The following ERBB4 variants were observed in gnomAD, a reference collection of about 807,000 sequenced individuals.
The protein encoded by ERBB4 is erb-b2 receptor tyrosine kinase 4.
In ERBB4, 42 loss-of-function variants were observed where a neutral mutation model predicts 158.0. The ratio of observed to expected loss-of-function variants is 0.27; its 90% CI spans 0.21 to 0.34. The LOEUF (loss-of-function observed/expected upper bound fraction) is 0.34, where lower values mean the gene tolerates loss of function less well. Among genes scored for constraint, ERBB4 ranks in the 10% least tolerant of loss-of-function variants. The pLI is 1.00. For synonymous variants in ERBB4, 583 were observed against 558.7 expected, an observed-to-expected ratio of 1.04 and a Z score of -0.61; for missense variants, 1,333 against 1,624.1, an observed-to-expected ratio of 0.82 and a Z score of 3.08.
intron 1 of ERBB4, among the ~76,000 whole-genome samples, chr2:212,186,327 T>G (rs1459514625): frequency 6.6e-6 from 1 of 152,214 alleles, no homozygotes; most frequent in Admixed American, 6.5e-5. Context: ...CTGGTTTAAG[T>G]GTTCTGTGTG....
At chr2:211,518,667 G>C (rs966241096) in intron 20 of ERBB4, among the ~76,000 whole-genome samples, 3 of 151,866 alleles carry the variant, frequency 2.0e-5, no homozygotes, top group African/African-American at 7.2e-5. Context: ...AAAAAAGTTA[G>C]TGTGATTCTA....
chr2:212,143,622 AGATT>A (rs1307934775), intron 1 of ERBB4, among the ~76,000 whole-genome samples: 1 of 152,182 alleles, frequency 6.6e-6, no homozygotes, highest in Non-Finnish European at 1.5e-5. Context: ...AAATAAAAAC[AGATT>A]GATTAAGTTT....
At chr2:211,991,653 A>G (rs571786259) in intron 2 of ERBB4, among the ~76,000 whole-genome samples, 103 of 152,312 alleles carry the variant, frequency 6.8e-4, no homozygotes, top group African/African-American at 2.5e-3. Flanking sequence ...AAAATGTTTA[A>G]TTACACTTGG....
chr2:212,349,104 T>C (rs774606110), intron 1 of ERBB4, among the ~76,000 whole-genome samples: 10 of 152,138 alleles, frequency 6.6e-5, no homozygotes, highest in Non-Finnish European at 1.3e-4. Context: ...ATAGGTATCA[T>C]GAGGTGATAT....
intron 20 of ERBB4, among the ~76,000 whole-genome samples, chr2:211,492,147 G>A (rs2065359060): frequency 6.6e-6 from 1 of 152,082 alleles, no homozygotes; most frequent in South Asian, 2.1e-4. Flanking sequence ...AGATGTGTCA[G>A]TCAGAAGGCT....
At chr2:212,321,948 G>C (rs1373382602) in intron 1 of ERBB4, among the ~76,000 whole-genome samples, 1 of 149,978 alleles carries the variant, frequency 6.7e-6, no homozygotes, top group Non-Finnish European at 1.5e-5. Flanking sequence ...CCTTCCTGTG[G>C]TTGACAGTTT....
At chr2:211,971,290 C>G (rs947804539) in intron 2 of ERBB4, among the ~76,000 whole-genome samples, 1 of 152,090 alleles carries the variant, frequency 6.6e-6, no homozygotes, top group Non-Finnish European at 1.5e-5. Flanking sequence ...TGGCCTTTCT[C>G]TATGCTCATA....
At chr2:212,329,596 A>T (rs2088032668) in intron 1 of ERBB4, among the ~76,000 whole-genome samples, 1 of 152,030 alleles carries the variant, frequency 6.6e-6, no homozygotes, top group African/African-American at 2.4e-5. Context: ...AAGAAATAGC[A>T]ACGTCAGGCT....
chr2:212,317,833 G>GA (rs113602546), intron 1 of ERBB4, among the ~76,000 whole-genome samples: 117,876 of 150,996 alleles, frequency 0.78, 47,878 homozygotes, highest in Non-Finnish European at 0.9. Flanking sequence ...TGTCTACAAT[G>GA]AAAAAAAATT....
At chr2:211,854,343 C>T (rs1350096482) in intron 3 of ERBB4, among the ~76,000 whole-genome samples, 1 of 151,988 alleles carries the variant, frequency 6.6e-6, no homozygotes, top group Non-Finnish European at 1.5e-5. Flanking sequence ...GTGTGCCATA[C>T]ATGGAAAAAT....
chr2:212,056,544 C>A (rs2077576478), intron 2 of ERBB4, among the ~76,000 whole-genome samples: 1 of 152,148 alleles, frequency 6.6e-6, no homozygotes, highest in South Asian at 2.1e-4. Flanking sequence ...TCGGGTTACC[C>A]ATAAAGGGAA....
intron 1 of ERBB4, among the ~76,000 whole-genome samples, chr2:212,376,090 T>A (rs1234199758): frequency 2.0e-5 from 3 of 152,032 alleles, no homozygotes; most frequent in Non-Finnish European, 4.4e-5. Flanking sequence ...ATCACAGTCA[T>A]CTCAACTGGT....
intron 1 of ERBB4, among the ~76,000 whole-genome samples, chr2:212,341,733 C>A (rs930801697): frequency 6.6e-6 from 1 of 152,054 alleles, no homozygotes; most frequent in Admixed American, 6.6e-5. Flanking sequence ...CATGAATAAA[C>A]AGAGAAATCA....
intron 2 of ERBB4, among the ~76,000 whole-genome samples, chr2:212,018,563 G>A (rs1323685710): frequency 6.6e-6 from 1 of 152,046 alleles, no homozygotes; most frequent in Non-Finnish European, 1.5e-5. Context: ...TTGTTTCACA[G>A]ACCCCTTTGA....
intron 25 of ERBB4, among the ~76,000 whole-genome samples, chr2:211,399,687 C>T (rs1278742225): frequency 6.6e-6 from 1 of 151,794 alleles, no homozygotes; most frequent in Non-Finnish European, 1.5e-5. Context: ...ATTCTGAATG[C>T]GATGAACATT....
At chr2:212,094,223 T>A (rs547058348) in intron 2 of ERBB4, among the ~76,000 whole-genome samples, 1 of 151,350 alleles carries the variant, frequency 6.6e-6, no homozygotes, top group Non-Finnish European at 1.5e-5. Context: ...GAGATAAGGT[T>A]GTTTAAAAGA....
chr2:212,227,141 T>C (rs1248731808), intron 1 of ERBB4, among the ~76,000 whole-genome samples: 1 of 150,894 alleles, frequency 6.6e-6, no homozygotes, highest in Non-Finnish European at 1.5e-5. Context: ...AGCTACTTGG[T>C]GGCTGAGGCA....
intron 2 of ERBB4, among the ~76,000 whole-genome samples, chr2:212,077,378 C>T (rs753209846): frequency 2.0e-5 from 3 of 151,816 alleles, no homozygotes; most frequent in African/African-American, 2.4e-5. Flanking sequence ...AGTTCAGATG[C>T]TCATCAACAG....
At chr2:212,424,529 G>A (rs2091863727) in intron 1 of ERBB4, among the ~76,000 whole-genome samples, 1 of 152,060 alleles carries the variant, frequency 6.6e-6, no homozygotes, top group African/African-American at 2.4e-5. Flanking sequence ...AAAAAAGAGA[G>A]CCTTGCTATT....
Sources: allele counts gnomAD v4.1 joint callset (sites outside exome capture counted in the v4.1 genomes callset), GRCh38; gene constraint gnomAD v4.1.1; transcripts MANE v1.5; gene names NCBI Gene and HGNC (gene_info 2026-07-23, HGNC 2026-07-21).